Variants in SLC35F4 observed in about 807,000 individuals in gnomAD.
SLC35F4 encodes the protein chromosome 14 open reading frame 36.
In SLC35F4, 24 loss-of-function variants were observed where a neutral mutation model predicts 44.2. The ratio of observed to expected loss-of-function variants is 0.54; its 90% CI spans 0.39 to 0.76. The LOEUF is 0.76. SLC35F4 is among the 30% of genes least tolerant of loss of function. The pLI is 0.00. For synonymous variants in SLC35F4, 238 were observed against 223.6 expected (o/e 1.06, Z -0.57); for missense variants, 562 against 586.1 (o/e 0.96, Z 0.42).
intron 1 of SLC35F4, among the ~76,000 whole-genome samples, chr14:57,884,644 A>G (rs1467302778): frequency 2.0e-5 from 3 of 152,204 alleles, no homozygotes; most frequent in Non-Finnish European, 4.4e-5. Context: ...CTAAGTATCC[A>G]TTATTTATCT....
intron 1 of SLC35F4, among the ~76,000 whole-genome samples, chr14:57,756,683 C>T (rs2077001092): frequency 6.6e-6 from 1 of 152,000 alleles, no homozygotes; most frequent in Non-Finnish European, 1.5e-5. Context: ...GAGACAGGGT[C>T]CCACTCTGTT....
chr14:57,672,577 TG>T (rs1284416845), intron 1 of SLC35F4, among the ~76,000 whole-genome samples: 1 of 152,152 alleles, frequency 6.6e-6, no homozygotes, highest in Non-Finnish European at 1.5e-5. Flanking sequence ...TACCGCTATA[TG>T]ATTATAAAAT....
At chr14:57,576,408 A>C (rs1293426740) in intron 4 of SLC35F4, among the ~76,000 whole-genome samples, 1 of 152,140 alleles carries the variant, frequency 6.6e-6, no homozygotes, top group Non-Finnish European at 1.5e-5. Flanking sequence ...TGCTGTGCTC[A>C]AGTTGAAGAC....
At chr14:57,854,821 C>T (rs1462692633) in intron 1 of SLC35F4, among the ~76,000 whole-genome samples, 1 of 152,198 alleles carries the variant, frequency 6.6e-6, no homozygotes, top group Non-Finnish European at 1.5e-5. Context: ...CCAGGTAGAA[C>T]CGTCCCTTTC....
At chr14:57,664,980 C>T (rs1276892610) in intron 1 of SLC35F4, among the ~76,000 whole-genome samples, 1 of 152,086 alleles carries the variant, frequency 6.6e-6, no homozygotes, top group East Asian at 1.9e-4. Flanking sequence ...TGGGCAGGAG[C>T]CATGTGCTCC....
intron 1 of SLC35F4, among the ~76,000 whole-genome samples, chr14:57,834,405 C>T (rs1884693392): frequency 6.6e-6 from 1 of 152,160 alleles, no homozygotes; most frequent in Non-Finnish European, 1.5e-5. Context: ...TAAATTATTA[C>T]AGTGCAAATA....
intron 1 of SLC35F4, among the ~76,000 whole-genome samples, chr14:57,881,725 T>C (rs1168233573): frequency 6.6e-6 from 1 of 152,190 alleles, no homozygotes; most frequent in African/African-American, 2.4e-5. Flanking sequence ...AACATGTTGG[T>C]TCTTTATTTT....
intron 1 of SLC35F4, among the ~76,000 whole-genome samples, chr14:57,855,251 C>T (rs936371964): frequency 6.6e-6 from 1 of 152,082 alleles, no homozygotes; most frequent in Non-Finnish European, 1.5e-5. Flanking sequence ...AAACAGGCAA[C>T]CTACAGAATG....
intron 1 of SLC35F4, among the ~76,000 whole-genome samples, chr14:57,825,789 A>G (rs963393616): frequency 3.9e-5 from 6 of 152,262 alleles, no homozygotes; most frequent in African/African-American, 1.4e-4. Context: ...TGAATAAAAT[A>G]CCTAAGAATA....
At chr14:57,756,257 T>C (rs1185411618) in intron 1 of SLC35F4, among the ~76,000 whole-genome samples, 1 of 152,228 alleles carries the variant, frequency 6.6e-6, no homozygotes, top group African/African-American at 2.4e-5. Context: ...CACCTTTTGG[T>C]GGTATTTTCC....
chr14:57,791,379 A>G (rs1055527155), intron 1 of SLC35F4, among the ~76,000 whole-genome samples: 3 of 152,262 alleles, frequency 2.0e-5, no homozygotes, highest in African/African-American at 7.2e-5. Flanking sequence ...ATGTGAAAGA[A>G]AACTCATCAT....
At chr14:57,596,798 C>G (rs754984768) in intron 1 of SLC35F4, 1 of 1,367,608 alleles carries the variant, frequency 7.3e-7, no homozygotes, top group Admixed American at 1.9e-5. Context: ...GGCTTCCATA[C>G]CTCCTGTTCC....
At chr14:57,846,936 A>C (rs1197175826) in intron 1 of SLC35F4, among the ~76,000 whole-genome samples, 1 of 152,248 alleles carries the variant, frequency 6.6e-6, no homozygotes, top group African/African-American at 2.4e-5. Flanking sequence ...GCGACAGATT[A>C]TCCACAGCTA....
intron 1 of SLC35F4, among the ~76,000 whole-genome samples, chr14:57,662,373 T>G (rs1337056601): frequency 6.6e-6 from 1 of 152,200 alleles, no homozygotes. Context: ...TATGGCAATA[T>G]TGAGAGTTGG....
At chr14:57,925,543 GAGGAAGGA>G (rs1314451051) in intron 1 of SLC35F4, among the ~76,000 whole-genome samples, 2 of 44,090 alleles carry the variant, frequency 4.5e-5, no homozygotes, top group Non-Finnish European at 1.0e-4. Context: ...GGGAGGGAGG[GAGGAAGGA>G]AGGAAGGAAG....
At chr14:57,660,269 T>G (rs2074096186) in intron 1 of SLC35F4, among the ~76,000 whole-genome samples, 1 of 152,140 alleles carries the variant, frequency 6.6e-6, no homozygotes, top group East Asian at 1.9e-4. Context: ...TGACCCACAA[T>G]ATTGCAGAGT....
chr14:57,943,155 C>T (rs1889945921), intron 1 of SLC35F4, among the ~76,000 whole-genome samples: 1 of 152,180 alleles, frequency 6.6e-6, no homozygotes, highest in Non-Finnish European at 1.5e-5. Flanking sequence ...TACTGTATTG[C>T]TTTTTCCCTT....
At chr14:57,660,112 G>A (rs75294665) in intron 1 of SLC35F4, among the ~76,000 whole-genome samples, 3,944 of 152,186 alleles carry the variant, frequency 0.026, 154 homozygotes, top group African/African-American at 0.089. Context: ...ATTTGTGAGT[G>A]GTTACCAAAT....
At chr14:57,915,258 G>A (rs1889298452) in intron 1 of SLC35F4, among the ~76,000 whole-genome samples, 1 of 152,116 alleles carries the variant, frequency 6.6e-6, no homozygotes, top group Non-Finnish European at 1.5e-5. Flanking sequence ...CTAGGCCTAT[G>A]ATAGAGGGGC....
Sources: allele counts gnomAD v4.1 joint callset (sites outside exome capture counted in the v4.1 genomes callset), GRCh38; gene constraint gnomAD v4.1.1; transcripts MANE v1.5; gene names NCBI Gene and HGNC (gene_info 2026-07-23, HGNC 2026-07-21).